Variants in NCOR1 observed in about 807,000 individuals in gnomAD.
NCOR1 encodes the protein nuclear receptor corepressor 1.
A neutral mutation model predicts 288.1 loss-of-function variants in NCOR1; 63 were observed. The ratio of observed to expected loss-of-function variants is 0.22; its 90% CI spans 0.18 to 0.27. The LOEUF (loss-of-function observed/expected upper bound fraction) is 0.27. NCOR1 is among the 10% of genes least tolerant of loss of function. NCOR1 has a pLI of 1.00. For synonymous variants in NCOR1, 1,007 were observed against 1,065.9 expected (o/e 0.94, Z 1.08); for missense variants, 2,397 against 3,019.2 (o/e 0.79, Z 4.83).
At chr17:16,193,655 C>G (rs1395266152) in intron 2 of NCOR1, among the ~76,000 whole-genome samples, 1 of 152,266 alleles carries the variant, frequency 6.6e-6, no homozygotes, top group African/African-American at 2.4e-5. Context: ...AATTCTCAAA[C>G]TAGGAACAGA....
rs572746662 is a variant in NCOR1 at position 16,066,222 on chromosome 17, C to T, written c.4742-528G>A. Among the ~76,000 whole-genome samples, 9 of 152,232 alleles carry T rather than the reference C, an allele frequency of 5.9e-5. No homozygotes were observed. In the South Asian group the frequency reaches 8.3e-4, roughly 14 times the overall value. ...ATATTTTAGGCTTTGTGGGCCATTTCGCATTTGTCACAGCTACTCAACTCT... is the reference window on the plus strand; with the variant it reads ...ATATTTTAGGCTTTGTGGGCCATTTTGCATTTGTCACAGCTACTCAACTCT... On this transcript the variant is annotated intron_variant, in intron 32 of 45. Coordinates refer to ENST00000268712, the MANE Select transcript of NCOR1 (RefSeq NM_006311.4).
At position 16,158,849 on chromosome 17, in the gene NCOR1, T is replaced by C. The variant is rs1390131955; in HGVS notation, c.643A>G (p.Lys215Glu). The part of the protein sequence containing the change: ...KQQQLEEEAA[K>E]PPEPEKPVSP... Reference sequence around the variant, plus strand: ...ACGGGCTTCTCAGGCTCAGGAGGTTTAGCTGCCTCTTCTTCAAGCTGTTGC... The same window carrying C: ...ACGGGCTTCTCAGGCTCAGGAGGTTCAGCTGCCTCTTCTTCAAGCTGTTGC... Residue 215 changes from lysine to glutamate, a missense_variant, in exon 6 of 46, where the codon AAA becomes GAA. Physicochemically the swap from Lys to Glu is moderately conservative, Grantham distance 56 (BLOSUM62 1). This residue lies in a region of NCOR1 where 76 missense variants were observed against 102.2 expected (regional missense o/e 0.74). Coordinates refer to ENST00000268712, the MANE Select transcript of NCOR1 (RefSeq NM_006311.4). The C allele has an allele frequency of 6.2e-7, 1 of 1,614,000 alleles. No individual in the cohort carries two copies. The highest frequency in any genetic ancestry group is 8.5e-7 in the Non-Finnish European group (1 of 1,179,928).
Position 16,127,332 on chromosome 17 carries a change from TATATAC to T in NCOR1, c.1510-1132_1510-1127del, listed in dbSNP as rs2074476195. 3.9e-5 allele frequency among the ~76,000 whole-genome samples: 2 copies of T among 51,764 alleles called. 1 individual carries two copies. The highest frequency in any genetic ancestry group is 9.8e-5 in the African/African-American group (2 of 20,494). The allele number at this position is 51,764 out of a possible 152,430, so 34.0% of individuals were successfully genotyped here. ...ATACATGTATGTATATATGTATGTA[TATATAC>T]ATGTATGTATATATGTATGTATATA... is the stretch of plus-strand genomic sequence containing the variant. On this transcript the variant is annotated intron_variant, in intron 14 of 45. Transcript: ENST00000268712.
At chr17:16,096,607 CATTAT>C (rs1411038031) in intron 21 of NCOR1, among the ~76,000 whole-genome samples, 1 of 152,124 alleles carries the variant, frequency 6.6e-6, no homozygotes, top group Non-Finnish European at 1.5e-5. Flanking sequence ...ATGGCTAGAG[CATTAT>C]ATTTCTTTTT....
In NCOR1 at chr17:16,127,386, T is replaced by C. The variant is rs1199386464; in HGVS notation, c.1510-1180A>G. Among the ~76,000 whole-genome samples the C allele has an allele frequency of 5.5e-5, 7 of 127,346 alleles. 1 individual carries two copies. The South Asian group carries it at 1.4e-3, about 25-fold the overall frequency. 83.5% of individuals were successfully genotyped at this position (127,346 alleles called of 152,430 possible). ...ATATACATGTATGTATATATGTATG[T>C]ATATATACATGTGTATATGTGTATG... On this transcript the variant is annotated intron_variant, in intron 14 of 45. Coordinates refer to ENST00000268712, the MANE Select transcript of NCOR1 (RefSeq NM_006311.4).
At chr17:16,143,527 C>A in intron 11 of NCOR1, 79 bp downstream of exon 11, 1 of 1,116,136 alleles carries the variant, frequency 9.0e-7, no homozygotes, top group Non-Finnish European at 1.3e-6. Flanking sequence ...CATTTACATA[C>A]AAAAAAACCC....
chr17:16,057,809 C>G (rs2060106308), intron 39 of NCOR1, 72 bp from the exon 40 acceptor site: 1 of 1,486,442 alleles, frequency 6.7e-7, no homozygotes, highest in Admixed American at 2.2e-5. Flanking sequence ...ATTAAGAAAT[C>G]TAGATATCTT....
In NCOR1 at chr17:16,146,416, C is replaced by T; in HGVS notation, c.1042G>A (p.Glu348Lys). ...TREYYEKQFP[E>K]IRKQREQQER... The stretch of plus-strand genomic sequence containing the variant: ...TGCTGTTCTCTTTGTTTTCGAATTT[C>T]TGGAAACTGCTTTTCATAGTATTCC... Residue 348 changes from glutamate (E) to lysine (K), a missense_variant, in exon 10 of 46, where the codon GAA becomes AAA. Glu to Lys is a moderately conservative substitution (Grantham distance 56, BLOSUM62 1). Around this residue, in one of 11 missense-constraint regions of NCOR1, gnomAD observed 51 missense variants for 127.6 expected, o/e 0.40. Transcript: ENST00000268712. The T allele has an allele frequency of 1.2e-6, 2 of 1,611,022 alleles. No homozygotes were observed. The highest frequency in any genetic ancestry group is 1.7e-6 in the Non-Finnish European group (2 of 1,179,156).
chr17:16,209,235 T>C (rs1395290890), intron 1 of NCOR1, among the ~76,000 whole-genome samples: 1 of 151,780 alleles, frequency 6.6e-6, no homozygotes, highest in Non-Finnish European at 1.5e-5. Context: ...TAGGATAAAT[T>C]TAGATGTAGT....
Position 16,031,231 on chromosome 17 carries a change from CTG to C in NCOR1, c.*1063_*1064del, listed in dbSNP as rs1423183066. 5.0e-6 allele frequency: 1 copy of C among 199,244 alleles called. No individual in the cohort carries two copies. Among genetic ancestry groups the C allele is most frequent in the East Asian group, 7.8e-5 (1 of 12,854 alleles). 12.3% of individuals were successfully genotyped at this position (199,244 alleles called of 1,614,324 possible). ...GGTCCATAGTGATGGGGAAAAAGGA[CTG>C]TGTTCACCATGAGTTTTTCAGGATG... On this transcript the variant is annotated 3_prime_UTR_variant, in exon 46 of 46. Transcript: ENST00000268712.
chr17:16,039,508 GCACTACTCC>G lies in NCOR1; in HGVS notation c.6871_6879del (p.Gly2291_Val2293del). On this transcript the variant is annotated inframe_deletion, in exon 44 of 46. Transcript: ENST00000268712. ...ACAACTGAGGTGTTGGCAGTACCAG[GCACTACTCC>G]CATAGGCTGGGACATGACAACTCCA... The G allele has an allele frequency of 6.2e-7, 1 of 1,614,022 alleles. No homozygotes were observed. Among genetic ancestry groups the G allele is most frequent in the Non-Finnish European group, 8.5e-7 (1 of 1,179,990 alleles).
chr17:16,132,977 C>CT (rs899813884), intron 14 of NCOR1, among the ~76,000 whole-genome samples: 2 of 146,348 alleles, frequency 1.4e-5, no homozygotes, highest in African/African-American at 2.5e-5. Flanking sequence ...TCTCTTCTTT[C>CT]TTTTTTTTCC....
At chr17:16,069,635 C>G (rs985660043) in intron 31 of NCOR1, among the ~76,000 whole-genome samples, 2 of 152,154 alleles carry the variant, frequency 1.3e-5, no homozygotes, top group Non-Finnish European at 2.9e-5. Flanking sequence ...CGTAAATACT[C>G]GGCACCATTC....
chr17:16,051,303 C>T (rs115785792), intron 40 of NCOR1, among the ~76,000 whole-genome samples: 2,761 of 152,270 alleles, frequency 0.018, 89 homozygotes, highest in African/African-American at 0.062. Flanking sequence ...AGATTTATTG[C>T]ATCACATCCT....
At chr17:16,043,289 T>C (rs2058074589) in intron 42 of NCOR1, among the ~76,000 whole-genome samples, 2 of 152,238 alleles carry the variant, frequency 1.3e-5, no homozygotes, top group South Asian at 4.1e-4. Context: ...TGGCTGCTGA[T>C]GGCTTTCATT....
chr17:16,095,984 A>G (rs2066533805), intron 21 of NCOR1, among the ~76,000 whole-genome samples: 2 of 152,148 alleles, frequency 1.3e-5, no homozygotes, highest in Admixed American at 6.5e-5. Context: ...CTGTACTAAG[A>G]AAAATTCTTC....
At chr17:16,119,119 G>C (rs1186188277) in intron 17 of NCOR1, among the ~76,000 whole-genome samples, 1 of 152,098 alleles carries the variant, frequency 6.6e-6, no homozygotes, top group Non-Finnish European at 1.5e-5. Flanking sequence ...CAATAGCATA[G>C]AGTCATAATT....
At chr17:16,034,623 G>A (rs1015410214) in intron 45 of NCOR1, 142 bp downstream of exon 45, 36 of 768,854 alleles carry the variant, frequency 4.7e-5, no homozygotes, top group South Asian at 6.3e-5. Flanking sequence ...ACTTCTATTC[G>A]GGAAAGTGGA....
intron 6 of NCOR1, among the ~76,000 whole-genome samples, chr17:16,155,805 G>C (rs1191285582): frequency 2.6e-5 from 4 of 152,104 alleles, no homozygotes; most frequent in African/African-American, 9.7e-5. Context: ...AAACAGATAA[G>C]CTCATTCATT....
Sources: gnomAD v4.1 joint callset for allele counts (sites outside exome capture counted in the v4.1 genomes callset) on GRCh38, gnomAD v4.1.1 for gene constraint, gnomAD v4.1.1 regional missense constraint, MANE v1.5 for transcripts, NCBI Gene and HGNC (gene_info 2026-07-23, HGNC 2026-07-21) for gene names.